SPATA6: variants seen among roughly 807,000 people sequenced by gnomAD.
The protein encoded by SPATA6 is spermatogenesis associated 6.
In SPATA6, 56 loss-of-function variants were observed where a neutral mutation model predicts 65.3. The ratio of observed to expected loss-of-function variants is 0.86; its 90% confidence interval spans 0.69 to 1.07. SPATA6 has a LOEUF of 1.07. Ranked by LOEUF, SPATA6 falls within the 50% of genes least tolerant of loss-of-function variation. The pLI is 0.00. For synonymous variants in SPATA6, 199 were observed against 213.2 expected (o/e 0.93, Z 0.58); for missense variants, 590 against 594.8 (o/e 0.99, Z 0.08).
At chr1:48,440,060 T>A (rs1240948970) in intron 3 of SPATA6, among the ~76,000 whole-genome samples, 1 of 152,054 alleles carries the variant, frequency 6.6e-6, no homozygotes, top group Non-Finnish European at 1.5e-5. Context: ...CTTACCCCCA[T>A]ATCCTAGCCT....
chr1:48,280,023 G>T, the SPATA6 span, among the ~76,000 whole-genome samples: 16 of 152,222 alleles, frequency 1.1e-4, no homozygotes, highest in African/African-American at 3.6e-4. Context: ...TCAGGATTAA[G>T]AAACTCACTG....
the SPATA6 span, among the ~76,000 whole-genome samples, chr1:48,283,149 C>G: frequency 1.6e-5 from 2 of 123,016 alleles, no homozygotes; most frequent in Non-Finnish European, 3.1e-5. Context: ...CACATGGACA[C>G]AGGAAGGGGA....
intron 9 of SPATA6, among the ~76,000 whole-genome samples, chr1:48,367,334 C>G (rs1647055427): frequency 6.6e-6 from 1 of 152,066 alleles, no homozygotes; most frequent in Non-Finnish European, 1.5e-5. Flanking sequence ...GAGCTGAGTT[C>G]AATTCCTGGG....
intron 11 of SPATA6, among the ~76,000 whole-genome samples, chr1:48,337,402 T>C (rs934536025): frequency 6.6e-5 from 10 of 151,820 alleles, no homozygotes; most frequent in Non-Finnish European, 1.3e-4. Context: ...ACAAGAAATC[T>C]ACAAAAAGTA....
intron 11 of SPATA6, among the ~76,000 whole-genome samples, chr1:48,310,453 T>A (rs541383703): frequency 2.0e-5 from 3 of 152,178 alleles, no homozygotes; most frequent in African/African-American, 7.2e-5. Context: ...GCCATAAAAC[T>A]TACTGTCCCT....
At chr1:48,411,919 A>C (rs1652276756) in intron 4 of SPATA6, among the ~76,000 whole-genome samples, 3 of 151,472 alleles carry the variant, frequency 2.0e-5, no homozygotes, top group Non-Finnish European at 4.4e-5. Context: ...GCTGGAGTGC[A>C]ATGGTGCCAT....
rs1004325227 is a variant in SPATA6, at chr1:48,327,170, A to T, written c.1195-21292T>A. Among the ~76,000 whole-genome samples, 5 of 152,178 alleles carry T rather than the reference A, an allele frequency of 3.3e-5. No homozygotes were observed. In the South Asian group the frequency reaches 1.0e-3, roughly 32 times the overall value. ...ACACACTAAAAAAAGAAAAACCAAT[A>T]AAAAACCAGGCAAAGGACCTGAACA... is the stretch of plus-strand genomic sequence containing the variant. On this transcript the variant is annotated intron_variant, in intron 11 of 12. Transcript: ENST00000371847.
intron 9 of SPATA6, among the ~76,000 whole-genome samples, chr1:48,379,338 T>C (rs902834006): frequency 6.6e-6 from 1 of 152,142 alleles, no homozygotes; most frequent in African/African-American, 2.4e-5. Context: ...GTCCATCTCT[T>C]GACACGTGGG....
At chr1:48,387,578 G>A (rs181961321) in intron 8 of SPATA6, among the ~76,000 whole-genome samples, 6 of 152,126 alleles carry the variant, frequency 3.9e-5, no homozygotes, top group Non-Finnish European at 5.9e-5. Flanking sequence ...GTGGCCTGGC[G>A]ACCACTCTGC....
chr1:48,318,077 G>A (rs1645491752), intron 11 of SPATA6, among the ~76,000 whole-genome samples: 1 of 152,182 alleles, frequency 6.6e-6, no homozygotes, highest in Middle Eastern at 3.2e-3. Flanking sequence ...TAGATGCAGG[G>A]AAAGCATTTG....
chr1:48,354,811 G>GA (rs1265092800), intron 11 of SPATA6, among the ~76,000 whole-genome samples: 1 of 152,024 alleles, frequency 6.6e-6, no homozygotes, highest in Non-Finnish European at 1.5e-5. Flanking sequence ...CTTCTGCAGA[G>GA]AACTGTTTCA....
intron 3 of SPATA6, chr1:48,437,047 A>G: frequency 6.2e-7 from 1 of 1,603,882 alleles, no homozygotes. Context: ...GCCATCAGCA[A>G]GCAGTTTATT....
At chr1:48,288,073 G>C in the SPATA6 span, among the ~76,000 whole-genome samples, 1 of 152,208 alleles carries the variant, frequency 6.6e-6, no homozygotes, top group South Asian at 2.1e-4. Flanking sequence ...TGTGGTTTTT[G>C]TCTTTCTTTC....
chr1:48,352,272 C>T (rs943531358), intron 11 of SPATA6, among the ~76,000 whole-genome samples: 2 of 152,042 alleles, frequency 1.3e-5, no homozygotes, highest in Admixed American at 6.6e-5. Context: ...GATTCAATTA[C>T]CTCCCACAGG....
chr1:48,316,584 AG>A (rs1259895084), intron 11 of SPATA6, among the ~76,000 whole-genome samples: 1 of 152,188 alleles, frequency 6.6e-6, no homozygotes, highest in Non-Finnish European at 1.5e-5. Flanking sequence ...AAACCCTAGA[AG>A]AAAACCTAGG....
intron 11 of SPATA6, among the ~76,000 whole-genome samples, chr1:48,334,544 T>G (rs144879070): frequency 1.2e-3 from 176 of 152,298 alleles, no homozygotes; most frequent in African/African-American, 4.1e-3. Flanking sequence ...CATATGATTA[T>G]ATCAATGAAT....
downstream of SPATA6, among the ~76,000 whole-genome samples, chr1:48,294,286 A>T (rs560947170): frequency 6.6e-6 from 1 of 152,180 alleles, no homozygotes; most frequent in Non-Finnish European, 1.5e-5. Flanking sequence ...CATGTTGGCC[A>T]GGCTGGTCTC....
intron 11 of SPATA6, among the ~76,000 whole-genome samples, chr1:48,349,266 G>A (rs1028402036): frequency 5.3e-5 from 8 of 151,990 alleles, no homozygotes; most frequent in Admixed American, 1.3e-4. Context: ...GGGATGCTAT[G>A]ACCTAAAAAG....
intron 10 of SPATA6, among the ~76,000 whole-genome samples, chr1:48,358,810 A>G (rs1470620125): frequency 6.6e-6 from 1 of 152,178 alleles, no homozygotes; most frequent in African/African-American, 2.4e-5. Flanking sequence ...GGTCTACAAC[A>G]TGCCTCCATA....
Sources: gnomAD v4.1 joint callset for allele counts (sites outside exome capture counted in the v4.1 genomes callset) on GRCh38, gnomAD v4.1.1 for gene constraint, MANE v1.5 for transcripts, NCBI Gene and HGNC (gene_info 2026-07-23, HGNC 2026-07-21) for gene names.